The following PCDHGB2 variants were observed in gnomAD, a reference collection of about 807,000 sequenced individuals.
The protein encoded by PCDHGB2 is protocadherin gamma subfamily B, 2.
A neutral mutation model predicts 59.3 loss-of-function variants in PCDHGB2; 55 were observed. That is an observed-to-expected ratio of 0.93 (90% CI 0.75 to 1.16). The LOEUF is 1.16. Ranked by LOEUF, PCDHGB2 falls within the 50% of genes most tolerant of loss-of-function variation. The pLI, the probability that PCDHGB2 is intolerant of heterozygous loss-of-function variation, is 0.00. For missense variants in PCDHGB2, 1,228 were observed against 1,198.5 expected (o/e 1.02, Z -0.36); for synonymous variants, 516 against 512.0 (o/e 1.01, Z -0.11).
Position 141,415,225 on chromosome 5 carries a change from T to C in PCDHGB2, c.2421+52669T>C, listed in dbSNP as rs189700811. On this transcript the variant is annotated intron_variant, in intron 1 of 3. Transcript: ENST00000522605. ...CCTGGCGGACCTCGGCAGCTTCGAG[T>C]CTCCAGCTAACTCTGAAACCTCAGA... 12,267 of 1,614,024 alleles carry C rather than the reference T, an allele frequency of 7.6e-3. 74 individuals carry two copies. Among genetic ancestry groups the C allele is most frequent in the Non-Finnish European group, 9.2e-3 (10,854 of 1,180,002 alleles).
intron 1 of PCDHGB2, chr5:141,415,653 G>C (rs947379829): frequency 1.4e-5 from 22 of 1,539,304 alleles, no homozygotes; most frequent in Non-Finnish European, 1.9e-5. Context: ...AAAAAAAAAA[G>C]ATTGGTTTTT....
intron 1 of PCDHGB2, chr5:141,422,139 A>C: frequency 1.9e-6 from 3 of 1,588,154 alleles, no homozygotes; most frequent in Non-Finnish European, 2.6e-6. Context: ...AAGTTCAAGT[A>C]CGGGGGTCTC....
chr5:141,416,016 G>C (rs190922355), intron 1 of PCDHGB2: 29 of 227,390 alleles, frequency 1.3e-4, no homozygotes, highest in Non-Finnish European at 2.2e-4. Context: ...GAATAGGTAA[G>C]TATCAGAAAG....
chr5:141,507,344 AT>A (rs1345461058), intron 3 of PCDHGB2: 5 of 152,206 alleles, frequency 3.3e-5, no homozygotes, highest in Non-Finnish European at 5.9e-5. Context: ...TTTACCTGAA[AT>A]TCAAATTTAA....
chr5:141,389,602 T>G, intron 1 of PCDHGB2: 2 of 1,613,170 alleles, frequency 1.2e-6, no homozygotes, highest in African/African-American at 2.7e-5. Flanking sequence ...TCTGCGCTCT[T>G]CGATATGGTG....
chr5:141,456,321 G>A (rs2098849819), intron 1 of PCDHGB2, among the ~76,000 whole-genome samples: 1 of 152,154 alleles, frequency 6.6e-6, no homozygotes, highest in African/African-American at 2.4e-5. Context: ...GGCTCCTCCT[G>A]GGGTTGATCT....
At chr5:141,399,927 G>A (rs918358571) in intron 1 of PCDHGB2, 7 of 1,612,226 alleles carry the variant, frequency 4.3e-6, no homozygotes, top group Non-Finnish European at 5.1e-6. Flanking sequence ...ACGCCTGGCT[G>A]TCCTACCACG....
chr5:141,485,935 C>A lies in PCDHGB2; in HGVS notation c.2422-8872C>A. The stretch of plus-strand genomic sequence containing the variant: ...GCTACAGGATTAGTGTGTTGGAGAG[C>A]GCACCAGCGGGCATGGTGCTCATCC... On this transcript the variant is annotated intron_variant, in intron 1 of 3. Coordinates refer to ENST00000522605, the MANE Select transcript of PCDHGB2 (RefSeq NM_018923.3). This position sits in a 1 kb window ranked among gnomAD's most constrained non-coding sequence, Gnocchi z 5.7. The A allele has an allele frequency of 3.1e-6, 5 of 1,614,144 alleles. No homozygotes were observed. Among genetic ancestry groups the A allele is most frequent in the Non-Finnish European group, 3.4e-6 (4 of 1,180,030 alleles).
intron 1 of PCDHGB2, chr5:141,418,595 G>GT (rs2096273873): frequency 6.2e-7 from 1 of 1,613,928 alleles, no homozygotes; most frequent in African/African-American, 1.3e-5. Context: ...CAGCCAGGAC[G>GT]TGTACAGGGT....
chr5:141,462,774 A>G (rs890366708), intron 1 of PCDHGB2, among the ~76,000 whole-genome samples: 1 of 152,126 alleles, frequency 6.6e-6, no homozygotes, highest in Admixed American at 6.6e-5. Context: ...GCTTGGGGTC[A>G]TAATTTGTTG....
At chr5:141,494,190 G>GAGAA (rs2099752701) in intron 1 of PCDHGB2, among the ~76,000 whole-genome samples, 1 of 152,186 alleles carries the variant, frequency 6.6e-6, no homozygotes, top group Non-Finnish European at 1.5e-5. Flanking sequence ...CCCGGGACTT[G>GAGAA]GATGCCCCGC....
chr5:141,389,248 A>C, intron 1 of PCDHGB2: 1 of 1,614,036 alleles, frequency 6.2e-7, no homozygotes, highest in South Asian at 1.1e-5. Context: ...CAGTCTTCCT[A>C]TATAGTCCAC....
Position 141,433,362 on chromosome 5 carries a change from T to G in PCDHGB2, c.2422-61445T>G, listed in dbSNP as rs1285511534. ...GTGCAAGCCACCTACTGTCTGCCTA[T>G]CTATCTATCTATCTATCTATCTATC... On this transcript the variant is annotated intron_variant, in intron 1 of 3. Transcript: ENST00000522605. 4 of 299,814 alleles carry G rather than the reference T, an allele frequency of 1.3e-5. No individual in the cohort carries two copies. In the East Asian group the frequency reaches 1.8e-4, roughly 14 times the overall value. 18.6% of individuals were successfully genotyped at this position (299,814 alleles called of 1,614,324 possible). A position where few individuals can be genotyped will look rare whatever the true frequency, so the allele number is the denominator to read the frequency against.
At chr5:141,371,628 C>A (rs1247615659) in intron 1 of PCDHGB2, 2 of 1,614,008 alleles carry the variant, frequency 1.2e-6, no homozygotes, top group South Asian at 1.1e-5. Context: ...AGCCCTGGAC[C>A]GGGAGCAGAT....
chr5:141,509,051 A>G (rs1051961974), intron 3 of PCDHGB2, among the ~76,000 whole-genome samples: 1 of 152,166 alleles, frequency 6.6e-6, no homozygotes, highest in Admixed American at 6.5e-5. Context: ...CCCCGCCCCC[A>G]GAAAGCTCTC....
intron 1 of PCDHGB2, chr5:141,427,690 T>TC (rs1331581287): frequency 2.3e-6 from 2 of 881,240 alleles, no homozygotes; most frequent in Non-Finnish European, 3.7e-6. Context: ...GGAGCCTCCA[T>TC]CCCACAAGTC....
chr5:141,373,481 C>T (rs570555683), intron 1 of PCDHGB2, among the ~76,000 whole-genome samples: 13 of 152,328 alleles, frequency 8.5e-5, no homozygotes, highest in Non-Finnish European at 1.8e-4. Context: ...TATAATTGTG[C>T]CCCTGCACTC....
intron 1 of PCDHGB2, chr5:141,419,465 G>A (rs568864628): frequency 1.9e-6 from 3 of 1,612,544 alleles, no homozygotes; most frequent in South Asian, 1.1e-5. Context: ...GCAGGCCCGC[G>A]ACCAGGGCTC....
intron 1 of PCDHGB2, among the ~76,000 whole-genome samples, chr5:141,447,375 T>C (rs1431576261): frequency 6.6e-6 from 1 of 152,030 alleles, no homozygotes; most frequent in African/African-American, 2.4e-5. Context: ...CTGACCCTGG[T>C]GATCTGCCCA....
Sources: gnomAD v4.1 joint callset for allele counts (sites outside exome capture counted in the v4.1 genomes callset) on GRCh38, gnomAD v4.1.1 for gene constraint, Gnocchi (gnomAD v3.1) non-coding constraint, MANE v1.5 for transcripts, NCBI Gene and HGNC (gene_info 2026-07-23, HGNC 2026-07-21) for gene names.